Variants in GRM8 observed in about 807,000 individuals in gnomAD.
GRM8 encodes metabotropic glutamate receptor 8.
Under a neutral mutation model 87.2 loss-of-function variants are expected in GRM8, and 47 were observed. The observed-to-expected ratio is 0.54, with a 90% CI of 0.43 to 0.69. The LOEUF (loss-of-function observed/expected upper bound fraction) is 0.69, where lower values mean the gene tolerates loss of function less well. Among genes scored for constraint, GRM8 ranks in the 30% least tolerant of loss-of-function variants. The probability of loss-of-function intolerance (pLI) is 0.00; values close to 1 mark genes in which losing one functional copy is unlikely to be tolerated. For synonymous variants in GRM8, 396 were observed against 404.5 expected (o/e 0.98, Z 0.25); for missense variants, 1,019 against 1,139.2 (o/e 0.89, Z 1.52).
chr7:126,652,889 G>A (rs957354819), intron 7 of GRM8, among the ~76,000 whole-genome samples: 2 of 152,020 alleles, frequency 1.3e-5, no homozygotes, highest in African/African-American at 4.8e-5. Context: ...AACTCTATAT[G>A]TCTCCTTCCC....
chr7:126,525,929 C>T (rs1295639373), intron 9 of GRM8, among the ~76,000 whole-genome samples: 2 of 151,988 alleles, frequency 1.3e-5, no homozygotes, highest in African/African-American at 4.8e-5. Flanking sequence ...AAATCTGTTT[C>T]GAATTTATTT....
chr7:127,108,786 T>C (rs17867764), intron 2 of GRM8, among the ~76,000 whole-genome samples: 5,137 of 152,256 alleles, frequency 0.034, 137 homozygotes, highest in South Asian at 0.11. Flanking sequence ...AGATAGAAGA[T>C]GGTTGTTTGA....
At chr7:126,894,843 C>T (rs909349459) in intron 6 of GRM8, among the ~76,000 whole-genome samples, 1 of 152,126 alleles carries the variant, frequency 6.6e-6, no homozygotes, top group African/African-American at 2.4e-5. Context: ...TTTAGACAAC[C>T]AACTTGACCA....
intron 3 of GRM8, among the ~76,000 whole-genome samples, chr7:126,939,505 A>G (rs1015627902): frequency 1.3e-5 from 2 of 152,206 alleles, no homozygotes; most frequent in Non-Finnish European, 2.9e-5. Flanking sequence ...CCTGGTTACT[A>G]CTATGCCTAG....
chr7:127,223,808 A>G (rs1242023528), intron 2 of GRM8, among the ~76,000 whole-genome samples: 2 of 152,188 alleles, frequency 1.3e-5, no homozygotes, highest in Non-Finnish European at 2.9e-5. Flanking sequence ...TCTTGAAACA[A>G]AAAACTACAA....
intron 7 of GRM8, among the ~76,000 whole-genome samples, chr7:126,720,117 T>C (rs1488338743): frequency 6.6e-6 from 1 of 151,926 alleles, no homozygotes; most frequent in Admixed American, 6.6e-5. Flanking sequence ...GTTCTTCCTT[T>C]ATTATGTATA....
intron 7 of GRM8, among the ~76,000 whole-genome samples, chr7:126,671,535 CCAGT>C (rs1438311278): frequency 6.6e-6 from 1 of 152,130 alleles, no homozygotes; most frequent in African/African-American, 2.4e-5. Context: ...TCTAAACTCA[CCAGT>C]CATTTTCAAG....
intron 6 of GRM8, among the ~76,000 whole-genome samples, chr7:126,802,982 G>A (rs574435180): frequency 3.3e-5 from 5 of 152,254 alleles, no homozygotes; most frequent in Middle Eastern, 6.8e-3. Context: ...TGTACAGGTC[G>A]TTCTTAGCAG....
chr7:127,052,886 C>A (rs562293594), intron 3 of GRM8, among the ~76,000 whole-genome samples: 46 of 152,154 alleles, frequency 3.0e-4, no homozygotes, highest in Non-Finnish European at 6.5e-4. Context: ...TGTGCTCAGT[C>A]ATTTCAACAA....
At chr7:126,483,545 A>T (rs1350333729) in intron 9 of GRM8, among the ~76,000 whole-genome samples, 1 of 140,652 alleles carries the variant, frequency 7.1e-6, no homozygotes, top group Non-Finnish European at 1.5e-5. Flanking sequence ...GACAAAAACC[A>T]CTAATGCGTC....
At chr7:127,206,409 T>C (rs1178896663) in intron 2 of GRM8, among the ~76,000 whole-genome samples, 3 of 152,222 alleles carry the variant, frequency 2.0e-5, no homozygotes, top group African/African-American at 7.2e-5. Context: ...CATACTCCTG[T>C]ATGGCATTCC....
At chr7:126,797,903 C>G (rs1407442291) in intron 6 of GRM8, among the ~76,000 whole-genome samples, 1 of 151,968 alleles carries the variant, frequency 6.6e-6, no homozygotes, top group Non-Finnish European at 1.5e-5. Flanking sequence ...TTTTGATGTT[C>G]CCATTAAAAG....
In GRM8 at chr7:126,686,620, G is replaced by A. The variant is rs541045830; in HGVS notation, c.1358-77122C>T. On this transcript the variant is annotated intron_variant, in intron 7 of 10. Coordinates refer to ENST00000339582, the MANE Select transcript of GRM8 (RefSeq NM_000845.3). ...ACTGGCACCTGGAACTGCCTGCCCC[G>A]CAGCAGCAGCAGCCAGTGTGTCTTG... Among the ~76,000 whole-genome samples the A allele has an allele frequency of 2.9e-4, 40 of 135,854 alleles. 1 individual carries two copies. Among genetic ancestry groups the A allele is most frequent in the Middle Eastern group, 3.6e-3 (1 of 280 alleles). The allele number at this position is 135,854 out of a possible 152,430, so 89.1% of individuals were successfully genotyped here. A position where few individuals can be genotyped will look rare whatever the true frequency, so the allele number is the denominator to read the frequency against.
intron 3 of GRM8, among the ~76,000 whole-genome samples, chr7:127,092,523 T>C (rs1027953630): frequency 8.5e-5 from 13 of 152,150 alleles, no homozygotes; most frequent in African/African-American, 2.4e-4. Context: ...TGGTGAAATC[T>C]TGTCTCTACT....
chr7:126,780,246 G>A (rs1312401886), intron 6 of GRM8, among the ~76,000 whole-genome samples: 2 of 152,122 alleles, frequency 1.3e-5, no homozygotes, highest in African/African-American at 2.4e-5. Flanking sequence ...TACTAGTTAT[G>A]AGCTTTGAGT....
chr7:126,552,198 T>C (rs1365537484), intron 8 of GRM8, among the ~76,000 whole-genome samples: 3 of 152,152 alleles, frequency 2.0e-5, no homozygotes, highest in Non-Finnish European at 2.9e-5. Context: ...TCTCACATCA[T>C]GCAATTTTGT....
chr7:126,604,687 T>C (rs1405446896), intron 8 of GRM8, among the ~76,000 whole-genome samples: 3 of 152,146 alleles, frequency 2.0e-5, no homozygotes, highest in Admixed American at 2.0e-4. Context: ...CATCTTCTGT[T>C]TGACTTTGAG....
chr7:126,857,920 A>C (rs890227810), intron 6 of GRM8, among the ~76,000 whole-genome samples: 1 of 152,126 alleles, frequency 6.6e-6, no homozygotes, highest in African/African-American at 2.4e-5. Flanking sequence ...CTACATTTCC[A>C]GCCTGGGCAA....
intron 2 of GRM8, among the ~76,000 whole-genome samples, chr7:127,226,458 T>C (rs1341582007): frequency 6.6e-6 from 1 of 152,230 alleles, no homozygotes; most frequent in Non-Finnish European, 1.5e-5. Context: ...TTCTGATCTG[T>C]ACCTGAGATT....
Sources: gnomAD v4.1 joint callset for allele counts (sites outside exome capture counted in the v4.1 genomes callset) on GRCh38, gnomAD v4.1.1 for gene constraint, MANE v1.5 for transcripts, NCBI Gene and HGNC (gene_info 2026-07-23, HGNC 2026-07-21) for gene names.